ASIC2: variants seen among roughly 807,000 people sequenced by gnomAD.
ASIC2 encodes acid-sensing ion channel 2.
In ASIC2, 25 loss-of-function variants were observed where a neutral mutation model predicts 57.3. That is an observed-to-expected ratio of 0.44 (90% CI 0.32 to 0.61). The LOEUF (loss-of-function observed/expected upper bound fraction) is 0.61. Among genes scored for constraint, ASIC2 ranks in the 20% least tolerant of loss-of-function variants. The pLI, the probability that ASIC2 is intolerant of heterozygous loss-of-function variation, is 0.06. For missense variants in ASIC2, 641 were observed against 738.1 expected, an observed-to-expected ratio of 0.87 and a Z score of 1.52; for synonymous variants, 319 against 307.5, an observed-to-expected ratio of 1.04 and a Z score of -0.39.
intron 3 of ASIC2, among the ~76,000 whole-genome samples, chr17:33,055,026 C>G (rs1187874114): frequency 2.0e-5 from 3 of 152,206 alleles, no homozygotes; most frequent in African/African-American, 7.2e-5. Context: ...TGGGTCACAG[C>G]TCTCCTACAT....
chr17:33,430,424 T>C (rs1911369144), intron 1 of ASIC2, among the ~76,000 whole-genome samples: 1 of 152,146 alleles, frequency 6.6e-6, no homozygotes, highest in Non-Finnish European at 1.5e-5. Flanking sequence ...GTTGGGGGAA[T>C]ACAGCGTTAA....
intron 1 of ASIC2, among the ~76,000 whole-genome samples, chr17:33,395,175 T>C (rs527846791): frequency 5.7e-5 from 8 of 140,726 alleles, no homozygotes; most frequent in African/African-American, 2.0e-4. Flanking sequence ...CATTTACCCA[T>C]CCACCCTTCC....
intron 1 of ASIC2, among the ~76,000 whole-genome samples, chr17:34,116,147 G>A (rs1026071635): frequency 6.6e-6 from 1 of 152,226 alleles, no homozygotes; most frequent in Non-Finnish European, 1.5e-5. Flanking sequence ...TCCCTTTTCT[G>A]AGCACCTTTC....
intron 1 of ASIC2, among the ~76,000 whole-genome samples, chr17:34,116,508 A>G (rs764325993): frequency 6.6e-6 from 1 of 152,086 alleles, no homozygotes; most frequent in Admixed American, 6.5e-5. Context: ...TTCCTGCTGG[A>G]GTATGTCTGC....
chr17:33,694,121 T>A (rs1908455749), intron 1 of ASIC2, among the ~76,000 whole-genome samples: 1 of 152,222 alleles, frequency 6.6e-6, no homozygotes, highest in Non-Finnish European at 1.5e-5. Flanking sequence ...TGTGATTACT[T>A]TCCAGAGTGT....
intron 1 of ASIC2, among the ~76,000 whole-genome samples, chr17:33,869,611 C>T (rs1914336160): frequency 6.6e-6 from 1 of 152,152 alleles, no homozygotes; most frequent in Admixed American, 6.5e-5. Context: ...ACTTCTAAAA[C>T]ATCAGCTAAG....
chr17:33,806,319 G>A (rs1912267394), intron 1 of ASIC2, among the ~76,000 whole-genome samples: 1 of 152,188 alleles, frequency 6.6e-6, no homozygotes, highest in Non-Finnish European at 1.5e-5. Context: ...ACTTAAATTT[G>A]AATTTTGTAT....
chr17:33,064,647 C>T (rs1016099348), intron 3 of ASIC2, among the ~76,000 whole-genome samples: 5 of 152,170 alleles, frequency 3.3e-5, no homozygotes, highest in Non-Finnish European at 7.3e-5. Flanking sequence ...GTCAGGGACC[C>T]ACTTGAGGAG....
chr17:33,724,219 C>T (rs1909476083), intron 1 of ASIC2, among the ~76,000 whole-genome samples: 2 of 152,180 alleles, frequency 1.3e-5, no homozygotes, highest in African/African-American at 4.8e-5. Context: ...TACGAGGCCT[C>T]CCCAGCCACG....
chr17:33,704,008 A>C (rs1196337834), intron 1 of ASIC2, among the ~76,000 whole-genome samples: 1 of 152,178 alleles, frequency 6.6e-6, no homozygotes, highest in Non-Finnish European at 1.5e-5. Flanking sequence ...TTCTGAGCTC[A>C]GGTCACTGTT....
chr17:33,397,400 G>A (rs1446504003), intron 1 of ASIC2, among the ~76,000 whole-genome samples: 1 of 152,190 alleles, frequency 6.6e-6, no homozygotes, highest in South Asian at 2.1e-4. Context: ...TTTGGTAGAA[G>A]TCACTCTGCT....
intron 1 of ASIC2, among the ~76,000 whole-genome samples, chr17:33,944,506 G>T (rs1007114700): frequency 2.6e-5 from 4 of 152,202 alleles, no homozygotes; most frequent in Non-Finnish European, 5.9e-5. Context: ...GGGGAAAGGA[G>T]GTGAGGCCAA....
chr17:33,314,983 G>T (rs993013174), intron 1 of ASIC2, among the ~76,000 whole-genome samples: 3 of 152,110 alleles, frequency 2.0e-5, no homozygotes, highest in Admixed American at 6.6e-5. Context: ...ACCTCTTGTG[G>T]CAGAGAAAAA....
chr17:33,655,791 T>C (rs62057836), intron 1 of ASIC2, among the ~76,000 whole-genome samples: 9,071 of 152,272 alleles, frequency 0.06, 335 homozygotes, highest in Non-Finnish European at 0.092. Context: ...AATTGAATAT[T>C]GAGTGTTCTT....
intron 1 of ASIC2, among the ~76,000 whole-genome samples, chr17:34,045,566 C>T (rs1249327625): frequency 6.6e-6 from 1 of 152,196 alleles, no homozygotes; most frequent in Non-Finnish European, 1.5e-5. Flanking sequence ...CCCACTGCTA[C>T]TGTCTGTCTA....
chr17:33,323,097 T>G (rs1361850833), intron 1 of ASIC2, among the ~76,000 whole-genome samples: 4 of 152,154 alleles, frequency 2.6e-5, no homozygotes, highest in African/African-American at 4.8e-5. Flanking sequence ...GAGTGCAAAT[T>G]AGTACAACTG....
intron 1 of ASIC2, among the ~76,000 whole-genome samples, chr17:34,126,442 A>G (rs1414090238): frequency 6.6e-6 from 1 of 152,090 alleles, no homozygotes; most frequent in Non-Finnish European, 1.5e-5. Flanking sequence ...CCCAGACTCC[A>G]CCAGCCTGCC....
intron 1 of ASIC2, among the ~76,000 whole-genome samples, chr17:33,931,620 G>A (rs1014751431): frequency 6.6e-6 from 1 of 152,188 alleles, no homozygotes; most frequent in Non-Finnish European, 1.5e-5. Context: ...CACCCCTTAA[G>A]CTCTCTTAGG....
intron 1 of ASIC2, among the ~76,000 whole-genome samples, chr17:33,274,827 G>T (rs1031841709): frequency 3.3e-5 from 5 of 152,190 alleles, no homozygotes; most frequent in African/African-American, 1.2e-4. Flanking sequence ...AAACAGGGTT[G>T]TCCAGGAATT....
Sources: gnomAD v4.1 joint callset for allele counts (sites outside exome capture counted in the v4.1 genomes callset) on GRCh38, gnomAD v4.1.1 for gene constraint, MANE v1.5 for transcripts, NCBI Gene and HGNC (gene_info 2026-07-23, HGNC 2026-07-21) for gene names.